The following GFPT2 variants were observed in gnomAD, a reference collection of about 807,000 sequenced individuals.
The protein encoded by GFPT2 is glutamine--fructose-6-phosphate aminotransferase [isomerizing] 2.
Under a neutral mutation model 85.6 loss-of-function variants are expected in GFPT2, and 62 were observed. The observed-to-expected ratio is 0.72, with a 90% CI of 0.59 to 0.90. The LOEUF (loss-of-function observed/expected upper bound fraction) is 0.90. Ranked by LOEUF, GFPT2 falls within the 40% of genes least tolerant of loss-of-function variation. The pLI is 0.00. For missense variants in GFPT2, 788 were observed against 893.4 expected, an observed-to-expected ratio of 0.88 and a Z score of 1.50; for synonymous variants, 368 against 344.5, an observed-to-expected ratio of 1.07 and a Z score of -0.75.
intron 15 of GFPT2, among the ~76,000 whole-genome samples, chr5:180,308,257 A>G (rs541084217): frequency 5.1e-4 from 71 of 138,674 alleles, no homozygotes; most frequent in African/African-American, 2.0e-3. Flanking sequence ...CTCCATCTCG[A>G]AAAAAAAAAA....
At chr5:180,342,194 CCT>C (rs1324165143) in intron 1 of GFPT2, among the ~76,000 whole-genome samples, 1 of 152,112 alleles carries the variant, frequency 6.6e-6, no homozygotes, top group Non-Finnish European at 1.5e-5. Flanking sequence ...GTCCATTAAC[CCT>C]CTTTCTTTCG....
chr5:180,329,658 T>G (rs1297298749), intron 6 of GFPT2, among the ~76,000 whole-genome samples: 1 of 152,236 alleles, frequency 6.6e-6, no homozygotes, highest in East Asian at 1.9e-4. Flanking sequence ...AATCAGACTC[T>G]GAAAACACCT....
intron 4 of GFPT2, among the ~76,000 whole-genome samples, chr5:180,335,352 T>C (rs551159249): frequency 2.6e-4 from 39 of 152,204 alleles, no homozygotes; most frequent in Non-Finnish European, 4.7e-4. Context: ...ACGGTGTGTC[T>C]GGTGGCACCA....
intron 4 of GFPT2, among the ~76,000 whole-genome samples, chr5:180,332,849 T>C (rs998745131): frequency 6.6e-6 from 1 of 152,162 alleles, no homozygotes; most frequent in Admixed American, 6.5e-5. Flanking sequence ...CTATTGACTA[T>C]TTTTGATCCC....
chr5:180,345,320 AG>A (rs1460262814), intron 1 of GFPT2, among the ~76,000 whole-genome samples: 1 of 152,280 alleles, frequency 6.6e-6, no homozygotes, highest in African/African-American at 2.4e-5. Flanking sequence ...CAGGCCCACA[AG>A]GCCGCGTTGC....
intron 17 of GFPT2, among the ~76,000 whole-genome samples, chr5:180,303,029 A>G (rs1279403318): frequency 6.6e-6 from 1 of 150,990 alleles, no homozygotes; most frequent in Non-Finnish European, 1.5e-5. Flanking sequence ...GGAGATCGAG[A>G]CCATCCTGGC....
chr5:180,322,818 T>C lies in GFPT2; in HGVS notation c.794+1370A>G, dbSNP rs530612882. 1.5e-4 allele frequency among the ~76,000 whole-genome samples: 23 copies of C among 152,092 alleles called. No homozygotes were observed. In the East Asian group the frequency reaches 4.3e-3, roughly 28 times the overall value. Reference sequence around the variant, plus strand: ...TTGGGAGGCTGAGGAGGGCGGATCATGAGGTCAGGAGATGGAGACAATCCT... The same window carrying C: ...TTGGGAGGCTGAGGAGGGCGGATCACGAGGTCAGGAGATGGAGACAATCCT... On this transcript the variant is annotated intron_variant, in intron 9 of 18. Transcript: ENST00000253778.
At position 180,332,838 on chromosome 5, in the gene GFPT2, T is replaced by C. The variant is rs1581383832; in HGVS notation, c.341-1285A>G. 2.6e-5 allele frequency among the ~76,000 whole-genome samples: 4 copies of C among 152,092 alleles called. No homozygotes were observed. The South Asian group carries it at 6.2e-4, about 24-fold the overall frequency. On this transcript the variant is annotated intron_variant, in intron 4 of 18. Coordinates refer to ENST00000253778, the MANE Select transcript of GFPT2 (RefSeq NM_005110.4). ...TATAGGCTTGAGCCACTGTGCCTGG[T>C]CTATTGACTATTTTTGATCCCTTCT... is the stretch of plus-strand genomic sequence containing the variant.
At chr5:180,348,811 G>A (rs1412325642) in intron 1 of GFPT2, among the ~76,000 whole-genome samples, 2 of 150,404 alleles carry the variant, frequency 1.3e-5, no homozygotes, top group Non-Finnish European at 3.0e-5. Context: ...GCACGATCTC[G>A]GCTCACTGCA....
At chr5:180,319,039 G>C (rs780606982) in intron 9 of GFPT2, 83 bp from the exon 10 acceptor site, 10 of 1,339,054 alleles carry the variant, frequency 7.5e-6, no homozygotes, top group Non-Finnish European at 1.0e-5. Flanking sequence ...CCCAAGCGTG[G>C]AGGCCACATC....
intron 16 of GFPT2, 31 bp from the exon 17 acceptor site, chr5:180,304,970 C>T (rs1763747434): frequency 1.3e-6 from 2 of 1,527,172 alleles, no homozygotes; most frequent in Non-Finnish European, 1.8e-6. Flanking sequence ...CAGAGTCACA[C>T]TGGGCAGATG....
At position 180,301,243 on chromosome 5, in the gene GFPT2, ACTAACT is replaced by A; in HGVS notation, c.*315_*320del. On this transcript the variant is annotated 3_prime_UTR_variant, in exon 19 of 19. Transcript: ENST00000253778. Reference sequence around the variant, plus strand: ...CATTATAAATATCTTGTCTTTTAAAACTAACTCTAGTGTTGGTTATAAAAGGTTCAC... The same window carrying A: ...CATTATAAATATCTTGTCTTTTAAAACTAGTGTTGGTTATAAAAGGTTCAC... 2.6e-6 allele frequency: 1 copy of A among 391,524 alleles called. No individual in the cohort carries two copies. Among genetic ancestry groups the A allele is most frequent in the Non-Finnish European group, 4.6e-6 (1 of 219,666 alleles). The allele number at this position is 391,524 out of a possible 1,614,324, so 24.3% of individuals were successfully genotyped here.
At chr5:180,342,772 C>T (rs563421905) in intron 1 of GFPT2, among the ~76,000 whole-genome samples, 1 of 151,848 alleles carries the variant, frequency 6.6e-6, no homozygotes, top group African/African-American at 2.4e-5. Context: ...TATGGTGGTG[C>T]GTGCCTGTAA....
At chr5:180,316,739 C>T (rs1436259824) in intron 12 of GFPT2, 25 bp downstream of exon 12, 14 of 1,525,568 alleles carry the variant, frequency 9.2e-6, no homozygotes, top group Non-Finnish European at 1.3e-5. Flanking sequence ...CCGTCGACTT[C>T]CCCACGCACA....
At position 180,328,252 on chromosome 5, in the gene GFPT2, G is replaced by C. The variant is rs1764247267; in HGVS notation, c.596+25C>G. ...ATTTTATTTTCGTTCTTTCTTATGGGAAATGCCAGTGTGTTTTGCCTCACC... is the reference window on the plus strand; with the variant it reads ...ATTTTATTTTCGTTCTTTCTTATGGCAAATGCCAGTGTGTTTTGCCTCACC... On this transcript the variant is annotated intron_variant, in intron 7 of 18. Coordinates refer to ENST00000253778, the MANE Select transcript of GFPT2 (RefSeq NM_005110.4). The surrounding 1 kb of genome is among the most constrained non-coding windows in gnomAD (Gnocchi z 5.4). 6.4e-7 allele frequency: 1 copy of C among 1,561,848 alleles called. No homozygotes were observed.
chr5:180,304,696 T>G (rs1763742567), intron 17 of GFPT2, 76 bp downstream of exon 17: 1 of 1,310,152 alleles, frequency 7.6e-7, no homozygotes, highest in Admixed American at 1.7e-5. Flanking sequence ...TCACTGGTAC[T>G]GGCAGACAGT....
At chr5:180,349,208 G>A (rs1326701367) in intron 1 of GFPT2, among the ~76,000 whole-genome samples, 2 of 151,998 alleles carry the variant, frequency 1.3e-5, no homozygotes, top group South Asian at 2.1e-4. Context: ...TTGGGAGGCC[G>A]AGGTGGGAGG....
At chr5:180,336,118 T>C in intron 3 of GFPT2, 165 bp from the exon 4 acceptor site, 1 of 612,994 alleles carries the variant, frequency 1.6e-6, no homozygotes, top group South Asian at 2.1e-5. Flanking sequence ...CCACCCGTGC[T>C]GAAGGTTATT....
chr5:180,316,776 G>A lies in GFPT2; in HGVS notation c.1140C>T (p.His380=), dbSNP rs528655659. ...LIVIGCGTSY[H]AAVATRQVLE... ...GTGTCACACTTACAGCCACGGCAGC[G>A]TGGTAGCTGGTTCCACAGCCAATCA... The change falls in exon 12 of 19, where the codon CAC becomes CAT. Residue 380 remains histidine, a synonymous_variant. Coordinates refer to ENST00000253778, the MANE Select transcript of GFPT2 (RefSeq NM_005110.4). 26 of 1,612,058 alleles carry A rather than the reference G, an allele frequency of 1.6e-5. No homozygotes were observed. Among genetic ancestry groups the A allele is most frequent in the East Asian group, 4.5e-5 (2 of 44,878 alleles).
Sources: allele counts gnomAD v4.1 joint callset (sites outside exome capture counted in the v4.1 genomes callset), GRCh38; gene constraint gnomAD v4.1.1; non-coding constraint Gnocchi (gnomAD v3.1); transcripts MANE v1.5; gene names NCBI Gene and HGNC (gene_info 2026-07-23, HGNC 2026-07-21).